Variants in TCOF1 observed in about 807,000 individuals in gnomAD.
TCOF1 encodes the protein treacle protein.
Under a neutral mutation model 149.0 loss-of-function variants are expected in TCOF1, and 33 were observed. The ratio of observed to expected loss-of-function variants is 0.22; its 90% CI spans 0.17 to 0.30. The LOEUF (loss-of-function observed/expected upper bound fraction) is 0.30, where lower values mean the gene tolerates loss of function less well. Ranked by LOEUF, TCOF1 falls within the 10% of genes least tolerant of loss-of-function variation. The pLI is 1.00. For synonymous variants in TCOF1, 789 were observed against 738.8 expected (o/e 1.07, Z -1.10); for missense variants, 1,728 against 1,840.7 (o/e 0.94, Z 1.12).
intron 18 of TCOF1, among the ~76,000 whole-genome samples, chr5:150,389,625 C>G (rs538828959): frequency 1.3e-5 from 2 of 152,206 alleles, no homozygotes; most frequent in Non-Finnish European, 2.9e-5. Flanking sequence ...AGTGGCAGCC[C>G]GACCAGTTGG....
At chr5:150,362,779 AG>A (rs1760433946) in intron 2 of TCOF1, among the ~76,000 whole-genome samples, 1 of 152,274 alleles carries the variant, frequency 6.6e-6, no homozygotes, top group Non-Finnish European at 1.5e-5. Flanking sequence ...TGACTTGCCC[AG>A]GTGAGTGGGT....
At chr5:150,399,230 G>A (rs1769267339) in intron 26 of TCOF1, among the ~76,000 whole-genome samples, 160 bp downstream of exon 26, 1 of 152,218 alleles carries the variant, frequency 6.6e-6, no homozygotes, top group Non-Finnish European at 1.5e-5. Flanking sequence ...CCACTGGGGT[G>A]ACATCAGGAG....
At chr5:150,383,291 A>G in intron 17 of TCOF1, 2 of 787,900 alleles carry the variant, frequency 2.5e-6, no homozygotes, top group Non-Finnish European at 4.0e-6. Context: ...AGCACCTCAC[A>G]GCTTCCAGAG....
intron 17 of TCOF1, chr5:150,384,307 A>G: frequency 2.0e-6 from 2 of 987,616 alleles, no homozygotes; most frequent in Non-Finnish European, 2.4e-6. Context: ...CAACAGCCCT[A>G]TGAGGGTGGC....
At chr5:150,386,289 C>T (rs1176465273) in intron 17 of TCOF1, among the ~76,000 whole-genome samples, 1 of 152,196 alleles carries the variant, frequency 6.6e-6, no homozygotes, top group Non-Finnish European at 1.5e-5. Flanking sequence ...TCAGTGGGTT[C>T]GTTGCTTCTC....
chr5:150,376,186 C>T lies in TCOF1; in HGVS notation c.1998C>T (p.Pro666=), dbSNP rs754321201. 4 of 1,614,176 alleles carry T rather than the reference C, an allele frequency of 2.5e-6. No individual in the cohort carries two copies. The East Asian group carries it at 8.9e-5, about 36-fold the overall frequency. ...VAPVRVGTQA[P]RKAGTATSPA... ...CTGTGCGAGTGGGCACCCAAGCCCC[C>T]CGGAAAGCAGGAACTGCGACTTCTC... The change falls in exon 13 of 27, where the codon CCC becomes CCT. Residue 666 remains proline, a synonymous_variant. Transcript: ENST00000643257.
chr5:150,357,998 A>G, intron 1 of TCOF1, 144 bp downstream of exon 1: 1 of 736,714 alleles, frequency 1.4e-6, no homozygotes, highest in Non-Finnish European at 2.1e-6. Context: ...GGGGTACCGG[A>G]GGAGCCGCAA....
intron 19 of TCOF1, among the ~76,000 whole-genome samples, chr5:150,391,316 T>G (rs1767396830): frequency 6.6e-6 from 1 of 151,920 alleles, no homozygotes; most frequent in Non-Finnish European, 1.5e-5. Context: ...GCAGATTGAG[T>G]AGTGGGGCCT....
chr5:150,376,116 C>G lies in TCOF1; in HGVS notation c.1928C>G (p.Ala643Gly). ...GCTCTGAAAATTCCTCAGACCAAGG[C>G]CTGCCCAAAGAAAACCAATACCACT... is the stretch of plus-strand genomic sequence containing the variant. ...KPALKIPQTK[A>G]CPKKTNTTAS... is the part of the protein sequence containing the mutation. The change falls in exon 13 of 27, where the codon GCC (alanine) becomes GGC (glycine). Residue 643 changes from alanine (A) to glycine (G), a missense_variant. By Grantham distance (60) the Ala-to-Gly change is moderately conservative. Around this residue, in one of 2 missense-constraint regions of TCOF1, gnomAD observed 1,696 missense variants for 1,765.4 expected, o/e 0.96. Transcript: ENST00000643257. The G allele has an allele frequency of 6.2e-7, 1 of 1,614,242 alleles. No individual in the cohort carries two copies. Among genetic ancestry groups the G allele is most frequent in the Non-Finnish European group, 8.5e-7 (1 of 1,180,040 alleles).
Position 150,372,047 on chromosome 5 carries a change from A to G in TCOF1, c.681A>G (p.Ser227=). The G allele has an allele frequency of 6.2e-7, 1 of 1,614,240 alleles. No homozygotes were observed. Among genetic ancestry groups the G allele is most frequent in the South Asian group, 1.1e-5 (1 of 91,088 alleles). ...SVKPAQVKAS[S]VSTKESPARK... is the part of the protein sequence containing the mutation. ...AACCAGCCCAGGTCAAAGCCTCATC[A>G]GTTTCTACTAAGGAGTCTCCAGCAA... The change falls in exon 7 of 27, where the codon TCA becomes TCG. Residue 227 remains serine, a synonymous_variant. Coordinates refer to ENST00000643257, the MANE Select transcript of TCOF1 (RefSeq NM_001371623.1).
At chr5:150,370,030 T>A (rs1216097779) in intron 6 of TCOF1, among the ~76,000 whole-genome samples, 2 of 152,160 alleles carry the variant, frequency 1.3e-5, no homozygotes, top group African/African-American at 4.8e-5. Context: ...CTGGGCCAAC[T>A]GGTGAATGCC....
chr5:150,381,152 C>T (rs1416655181), intron 17 of TCOF1, among the ~76,000 whole-genome samples: 1 of 152,194 alleles, frequency 6.6e-6, no homozygotes, highest in Non-Finnish European at 1.5e-5. Context: ...GGAGATGGAC[C>T]TTCTGTGTGG....
chr5:150,396,138 G>A, intron 23 of TCOF1, 144 bp from the exon 24 acceptor site: 1 of 904,362 alleles, frequency 1.1e-6, no homozygotes, highest in South Asian at 1.4e-5. Context: ...AGCTGGGGCA[G>A]AGTGACCGCC....
Position 150,378,983 on chromosome 5 carries a change from T to G in TCOF1, c.2419T>G (p.Ser807Ala). The stretch of plus-strand genomic sequence containing the variant: ...AGCACCTTCAGCAAAAGGGACAATT[T>G]CAGCCCCTGGAAAAGTTGTCACTGC... ...ARAPSAKGTI[S>A]APGKVVTAAA... is the part of the protein sequence containing the mutation. The change falls in exon 15 of 27, where the codon TCA becomes GCA. Residue 807 changes from serine (S) to alanine (A), a missense_variant. Ser to Ala is a moderately conservative substitution (Grantham distance 99). Coordinates refer to ENST00000643257, the MANE Select transcript of TCOF1 (RefSeq NM_001371623.1). 6.2e-7 allele frequency: 1 copy of G among 1,614,068 alleles called. No individual in the cohort carries two copies. The highest frequency in any genetic ancestry group is 8.5e-7 in the Non-Finnish European group (1 of 1,180,008).
In TCOF1 at chr5:150,396,501, C is replaced by T. The variant is rs1243219894; in HGVS notation, c.4004C>T (p.Thr1335Ile). The T allele has an allele frequency of 6.2e-7, 1 of 1,612,904 alleles. No individual in the cohort carries two copies. The highest frequency in any genetic ancestry group is 1.1e-5 in the South Asian group (1 of 90,988). Residue 1335 changes from threonine (T) to isoleucine (I), a missense_variant, in exon 24 of 27, where the codon ACC (threonine) becomes ATC (isoleucine). By Grantham distance (89) the Thr-to-Ile change is moderately conservative (BLOSUM62 -1). Coordinates refer to ENST00000643257, the MANE Select transcript of TCOF1 (RefSeq NM_001371623.1). ...EQERKKVVDT[T>I]KESSRKGWES... is the part of the protein sequence containing the mutation. ...GAAAGAAAGAAGGTGGTGGACACCA[C>T]CAAGGAGAGCAGCAGGAAGGGCTGG...
chr5:150,387,027 G>A (rs185526812), intron 17 of TCOF1, among the ~76,000 whole-genome samples: 6 of 152,300 alleles, frequency 3.9e-5, no homozygotes, highest in East Asian at 1.9e-4. Context: ...GAGCAGGCTC[G>A]TTTCACGCAA....
intron 17 of TCOF1, 62 bp from the exon 18 acceptor site, chr5:150,387,840 C>G: frequency 1.2e-6 from 2 of 1,609,470 alleles, no homozygotes; most frequent in Non-Finnish European, 1.7e-6. Flanking sequence ...CTAACCCCAT[C>G]ACCTCCTTTC....
At chr5:150,388,368 G>A (rs1204384651) in intron 18 of TCOF1, among the ~76,000 whole-genome samples, 2 of 152,164 alleles carry the variant, frequency 1.3e-5, no homozygotes, top group African/African-American at 2.4e-5. Flanking sequence ...CATAGTCTAA[G>A]AAAGAATTCT....
At chr5:150,367,768 T>G in intron 3 of TCOF1, 76 bp from the exon 4 acceptor site, 72 of 1,535,972 alleles carry the variant, frequency 4.7e-5, no homozygotes, top group Non-Finnish European at 5.8e-5. Context: ...AATTGTTAGG[T>G]GAGATGAAAC....
Sources: allele counts gnomAD v4.1 joint callset (sites outside exome capture counted in the v4.1 genomes callset), GRCh38; gene constraint gnomAD v4.1.1; regional missense constraint gnomAD v4.1.1; transcripts MANE v1.5; gene names NCBI Gene and HGNC (gene_info 2026-07-23, HGNC 2026-07-21).